Variants in MCC observed in about 807,000 individuals in gnomAD.
MCC encodes the protein colorectal mutant cancer protein.
MCC carries 90 observed loss-of-function variants against 116.2 expected under a neutral mutation model. The ratio of observed to expected loss-of-function variants is 0.77; its 90% CI spans 0.65 to 0.92. MCC has a LOEUF of 0.92. MCC is among the 40% of genes least tolerant of loss of function. The probability of loss-of-function intolerance (pLI) is 0.00; values close to 1 mark genes in which losing one functional copy is unlikely to be tolerated. For synonymous variants in MCC, 578 were observed against 510.5 expected (o/e 1.13, Z -1.78); for missense variants, 1,516 against 1,312.2 (o/e 1.16, Z -2.40).
chr5:113,434,856 A>G lies in MCC; in HGVS notation c.171-49644T>C, dbSNP rs1230726723. ...GTCATCCATGGTGCCAGGAATGCCC[A>G]GTGCCTCTGAGGCTGCCCTCTACAG... On this transcript the variant is annotated intron_variant, in intron 1 of 18. Coordinates refer to ENST00000408903, the MANE Select transcript of MCC (RefSeq NM_001085377.2). This position sits in a 1 kb window ranked among gnomAD's most constrained non-coding sequence, Gnocchi z 4.2. 2.8e-5 allele frequency: 45 copies of G among 1,595,936 alleles called. No homozygotes were observed. Among genetic ancestry groups the G allele is most frequent in the Non-Finnish European group, 3.6e-5 (42 of 1,169,484 alleles).
In MCC at chr5:113,455,185, G is replaced by A. The variant is rs184906447; in HGVS notation, c.170+33060C>T. Among the ~76,000 whole-genome samples, 305 of 152,218 alleles carry A rather than the reference G, an allele frequency of 2.0e-3. 1 individual carries two copies. The highest frequency in any genetic ancestry group is 0.014 in the Middle Eastern group (4 of 292). On this transcript the variant is annotated intron_variant, in intron 1 of 18. Transcript: ENST00000408903. ...CCCATTCCTGGTCATCCTCAACTTG[G>A]CAGACCCTTCTTCATGCCCATCACT...
chr5:113,226,120 G>C (rs1763725964), intron 3 of MCC, among the ~76,000 whole-genome samples: 1 of 152,266 alleles, frequency 6.6e-6, no homozygotes, highest in African/African-American at 2.4e-5. Context: ...AGGTTGCAGT[G>C]AGCCACAATT....
chr5:113,133,312 C>G (rs1758580875), intron 5 of MCC, among the ~76,000 whole-genome samples: 2 of 152,166 alleles, frequency 1.3e-5, no homozygotes, highest in African/African-American at 4.8e-5. Context: ...TTCCCAGCCT[C>G]TAATAACCAC....
chr5:113,220,347 C>G (rs1025877614), intron 3 of MCC, among the ~76,000 whole-genome samples: 1 of 152,022 alleles, frequency 6.6e-6, no homozygotes, highest in African/African-American at 2.4e-5. Flanking sequence ...GCGTGAGCCA[C>G]TGCGCCCGGC....
At chr5:113,471,531 A>AGG (rs1772090409) in intron 1 of MCC, among the ~76,000 whole-genome samples, 1 of 151,922 alleles carries the variant, frequency 6.6e-6, no homozygotes, top group African/African-American at 2.4e-5. Context: ...TTCCTCTGGA[A>AGG]GTTTTGTCTC....
intron 3 of MCC, among the ~76,000 whole-genome samples, chr5:113,221,067 G>A (rs962809575): frequency 1.3e-5 from 2 of 152,204 alleles, no homozygotes; most frequent in Non-Finnish European, 2.9e-5. Context: ...AGCCAGGTAT[G>A]GTGGTACATG....
At chr5:113,172,873 C>T (rs561336631) in intron 3 of MCC, among the ~76,000 whole-genome samples, 73 of 147,246 alleles carry the variant, frequency 5.0e-4, no homozygotes, top group African/African-American at 1.8e-3. Context: ...AGATATATCA[C>T]ATATTTTTTT....
intron 3 of MCC, chr5:113,294,511 C>A: frequency 6.5e-7 from 1 of 1,534,380 alleles, no homozygotes; most frequent in Non-Finnish European, 8.7e-7. Flanking sequence ...CCATTTTCAC[C>A]CAGGACAGTT....
chr5:113,176,407 ACATCT>A, intron 3 of MCC, among the ~76,000 whole-genome samples: 1 of 152,230 alleles, frequency 6.6e-6, no homozygotes, highest in Non-Finnish European at 1.5e-5. Flanking sequence ...CAACACTCAG[ACATCT>A]GAAGACAACT....
In MCC at chr5:113,101,725, TGC is replaced by T; in HGVS notation, c.1398+12_1398+13del. On this transcript the variant is annotated intron_variant, in intron 8 of 18. Coordinates refer to ENST00000408903, the MANE Select transcript of MCC (RefSeq NM_001085377.2). ...CCAGGAAGGGCCTGACCATTATGGA[TGC>T]AGCATGCTCACCCTCCTCCGGAGCC... 9.3e-6 allele frequency: 15 copies of T among 1,612,516 alleles called. No individual in the cohort carries two copies. The highest frequency in any genetic ancestry group is 1.1e-5 in the Non-Finnish European group (13 of 1,179,982).
At chr5:113,167,692 AT>A (rs1381140334) in intron 3 of MCC, among the ~76,000 whole-genome samples, 1 of 152,124 alleles carries the variant, frequency 6.6e-6, no homozygotes, top group African/African-American at 2.4e-5. Context: ...GTGCAGTGGC[AT>A]CATCAAGGCT....
At chr5:113,448,711 A>G (rs551473735) in intron 1 of MCC, among the ~76,000 whole-genome samples, 105 of 152,148 alleles carry the variant, frequency 6.9e-4, no homozygotes, top group Non-Finnish European at 1.4e-3. Flanking sequence ...CTTCTCTAAT[A>G]TTTTTTCCCG....
At chr5:113,297,869 G>C (rs1366362534) in intron 3 of MCC, among the ~76,000 whole-genome samples, 1 of 151,632 alleles carries the variant, frequency 6.6e-6, no homozygotes, top group Non-Finnish European at 1.5e-5. Context: ...TGTAGATCTA[G>C]AACTTGGCTG....
chr5:113,152,915 G>A (rs562460452), intron 3 of MCC, among the ~76,000 whole-genome samples: 2 of 152,296 alleles, frequency 1.3e-5, no homozygotes, highest in Admixed American at 6.5e-5. Context: ...CTTGGAAAAG[G>A]TCACTGTGGG....
chr5:113,121,934 G>A (rs1225187834), intron 6 of MCC, among the ~76,000 whole-genome samples: 1 of 152,096 alleles, frequency 6.6e-6, no homozygotes, highest in Non-Finnish European at 1.5e-5. Flanking sequence ...AAATATCCAG[G>A]TAGGCAAGAC....
intron 3 of MCC, among the ~76,000 whole-genome samples, chr5:113,198,737 T>C (rs1327182764): frequency 7.4e-5 from 11 of 147,992 alleles, no homozygotes; most frequent in Non-Finnish European, 4.5e-5. Flanking sequence ...TAACAGACAG[T>C]ATAGATGTAA....
intron 15 of MCC, among the ~76,000 whole-genome samples, chr5:113,050,242 C>T (rs2150220777): frequency 6.6e-6 from 1 of 152,326 alleles, no homozygotes; most frequent in Admixed American, 6.5e-5. Flanking sequence ...GCTATACTGC[C>T]TCCCTCCCTT....
At chr5:113,367,748 A>G (rs1768736929) in intron 2 of MCC, among the ~76,000 whole-genome samples, 1 of 151,986 alleles carries the variant, frequency 6.6e-6, no homozygotes, top group Non-Finnish European at 1.5e-5. Flanking sequence ...AAATGACATC[A>G]GGGTAGGGTA....
chr5:113,115,217 GAGCTGC>G (rs1488599520), intron 6 of MCC, among the ~76,000 whole-genome samples: 5 of 152,194 alleles, frequency 3.3e-5, no homozygotes, highest in Admixed American at 3.3e-4. Context: ...GAGGGGTTGA[GAGCTGC>G]AGCCTGAGTA....
Sources: gnomAD v4.1 joint callset for allele counts (sites outside exome capture counted in the v4.1 genomes callset) on GRCh38, gnomAD v4.1.1 for gene constraint, Gnocchi (gnomAD v3.1) non-coding constraint, MANE v1.5 for transcripts, NCBI Gene and HGNC (gene_info 2026-07-23, HGNC 2026-07-21) for gene names.